TPD52: variants seen among roughly 807,000 people sequenced by gnomAD.
TPD52 encodes the protein tumor protein D52.
In TPD52, 17 loss-of-function variants were observed where a neutral mutation model predicts 31.3. The observed-to-expected ratio is 0.54, with a 90% confidence interval of 0.37 to 0.82. The LOEUF is 0.82. TPD52 is among the 40% of genes least tolerant of loss of function. The pLI, the probability that TPD52 is intolerant of heterozygous loss-of-function variation, is 0.00. For synonymous variants in TPD52, 83 were observed against 89.6 expected, an observed-to-expected ratio of 0.93 and a Z score of 0.42; for missense variants, 212 against 240.1, an observed-to-expected ratio of 0.88 and a Z score of 0.77.
At chr8:80,053,671 C>T (rs1202904066) in intron 2 of TPD52, among the ~76,000 whole-genome samples, 1 of 152,012 alleles carries the variant, frequency 6.6e-6, no homozygotes, top group East Asian at 1.9e-4. Context: ...TGTTTTTGGC[C>T]TTCTCCTCTC....
chr8:80,076,533 C>CA lies in TPD52; in HGVS notation c.20-11941dup, dbSNP rs1255772733. On this transcript the variant is annotated intron_variant, in intron 1 of 7. Transcript: ENST00000518937. ...TGGAGGGTGGGAGGAGGAAGAGGAGCAAAAAAAGGGAAAAAAAATCACTAC... is the reference window on the plus strand; with the variant it reads ...TGGAGGGTGGGAGGAGGAAGAGGAGCAAAAAAAAGGGAAAAAAAATCACTAC... Among the ~76,000 whole-genome samples the CA allele has an allele frequency of 8.0e-5, 12 of 150,462 alleles. No homozygotes were observed. In the South Asian group the frequency reaches 1.7e-3, roughly 21 times the overall value.
At chr8:80,148,467 A>G (rs1358701177) in intron 1 of TPD52, among the ~76,000 whole-genome samples, 1 of 152,088 alleles carries the variant, frequency 6.6e-6, no homozygotes, top group Non-Finnish European at 1.5e-5. Flanking sequence ...CTGGCCCTAA[A>G]TTGTTTTTAA....
intron 1 of TPD52, among the ~76,000 whole-genome samples, chr8:80,076,296 C>T (rs12114212): frequency 0.57 from 86,682 of 151,992 alleles, 25,041 homozygotes; most frequent in East Asian, 0.73. Flanking sequence ...AAATGTGGTA[C>T]ATATATGCCA....
chr8:80,156,772 G>A (rs1308028093), intron 1 of TPD52, among the ~76,000 whole-genome samples: 1 of 152,176 alleles, frequency 6.6e-6, no homozygotes, highest in Non-Finnish European at 1.5e-5. Context: ...TGCCAAGTAG[G>A]TTGAGAGGGA....
chr8:80,132,824 G>A (rs913080837), intron 1 of TPD52, among the ~76,000 whole-genome samples: 1 of 152,200 alleles, frequency 6.6e-6, no homozygotes, highest in East Asian at 1.9e-4. Context: ...AAGAAACATG[G>A]GTCTCCTGCC....
At chr8:80,156,223 T>G (rs1055134120) in intron 1 of TPD52, among the ~76,000 whole-genome samples, 2 of 152,184 alleles carry the variant, frequency 1.3e-5, no homozygotes, top group Admixed American at 1.3e-4. Context: ...TGAGGTTTCC[T>G]GGCACCTGTC....
At chr8:80,141,431 G>A (rs909284847) in intron 1 of TPD52, among the ~76,000 whole-genome samples, 2 of 152,194 alleles carry the variant, frequency 1.3e-5, no homozygotes, top group East Asian at 3.8e-4. Context: ...ACAGCCTTAT[G>A]GAGAGGTCCC....
At chr8:80,089,441 C>G (rs552782420) in intron 1 of TPD52, among the ~76,000 whole-genome samples, 1 of 152,234 alleles carries the variant, frequency 6.6e-6, no homozygotes, top group East Asian at 1.9e-4. Context: ...TAATAGAGCT[C>G]ACAAGACTTC....
Position 80,044,223 on chromosome 8 carries a change from T to TA in TPD52, c.414-16dup, listed in dbSNP as rs1810628996. Reference sequence around the variant, plus strand: ...TGGAACGTATACTAAGAGGCAGCATTAAAAAGAGATAGAAATAAGGTTAGT... The same window carrying TA: ...TGGAACGTATACTAAGAGGCAGCATTAAAAAAGAGATAGAAATAAGGTTAGT... On this transcript the variant is annotated splice_polypyrimidine_tract_variant and intron_variant, in intron 5 of 7. Coordinates refer to ENST00000518937, the MANE Select transcript of TPD52 (RefSeq NM_001025253.3). 1 of 1,567,994 alleles carries TA rather than the reference T, an allele frequency of 6.4e-7. No homozygotes were observed. Among genetic ancestry groups the TA allele is most frequent in the Admixed American group, 2.1e-5 (1 of 48,376 alleles).
At chr8:80,138,615 T>A (rs944056662) in intron 1 of TPD52, among the ~76,000 whole-genome samples, 2 of 152,110 alleles carry the variant, frequency 1.3e-5, no homozygotes, top group African/African-American at 4.8e-5. Context: ...TCCAAAAAGG[T>A]AGCTGAACAC....
intron 1 of TPD52, among the ~76,000 whole-genome samples, chr8:80,086,101 C>CTTTTTTTTTTTTTTTTGTT (rs762805549): frequency 8.9e-6 from 1 of 112,674 alleles, no homozygotes; most frequent in African/African-American, 3.3e-5. Context: ...GGTTTTTTTG[C>CTTTTTTTTTTTTTTTTGTT]TTTTTTTTTT....
chr8:80,042,710 GA>G (rs556251667), intron 6 of TPD52, 42 bp from the exon 7 acceptor site: 15 of 1,555,040 alleles, frequency 9.6e-6, no homozygotes, highest in African/African-American at 5.5e-5. Context: ...TACAAATACT[GA>G]AAAAAAATCC....
chr8:80,050,417 C>A (rs760011806), intron 5 of TPD52, 28 bp downstream of exon 5: 1 of 1,600,646 alleles, frequency 6.2e-7, no homozygotes, highest in Non-Finnish European at 8.5e-7. Flanking sequence ...AACTGCTGGA[C>A]TGCAGTGATG....
intron 1 of TPD52, among the ~76,000 whole-genome samples, chr8:80,108,216 CT>C (rs1295543596): frequency 6.6e-6 from 1 of 152,142 alleles, no homozygotes; most frequent in Admixed American, 6.6e-5. Flanking sequence ...GTGGCATTTC[CT>C]GAACTCTTTC....
intron 2 of TPD52, among the ~76,000 whole-genome samples, chr8:80,059,803 G>A (rs570996478): frequency 7.6e-4 from 115 of 152,138 alleles, no homozygotes; most frequent in Middle Eastern, 3.4e-3. Context: ...GCAGTGAGAC[G>A]AGATCGCACC....
chr8:80,046,673 T>C (rs973760687), intron 5 of TPD52, among the ~76,000 whole-genome samples: 5 of 152,152 alleles, frequency 3.3e-5, no homozygotes, highest in Non-Finnish European at 5.9e-5. Flanking sequence ...TGCATCTTAT[T>C]TGTAACCCCC....
chr8:80,135,538 T>G (rs893869658), intron 1 of TPD52, among the ~76,000 whole-genome samples: 2 of 152,142 alleles, frequency 1.3e-5, no homozygotes, highest in African/African-American at 4.8e-5. Flanking sequence ...ACAAGCACAC[T>G]GTAAACTAGT....
chr8:80,062,307 C>G (rs774354179), intron 2 of TPD52, among the ~76,000 whole-genome samples: 1 of 152,056 alleles, frequency 6.6e-6, no homozygotes, highest in African/African-American at 2.4e-5. Context: ...AAGGATGCCA[C>G]GAGCATTCAC....
chr8:80,056,781 G>T (rs1487834339), intron 2 of TPD52, among the ~76,000 whole-genome samples: 2 of 152,192 alleles, frequency 1.3e-5, no homozygotes, highest in African/African-American at 4.8e-5. Context: ...AAGTTGGGCA[G>T]CAAAGCAGTT....
Sources: gnomAD v4.1 joint callset for allele counts (sites outside exome capture counted in the v4.1 genomes callset) on GRCh38, gnomAD v4.1.1 for gene constraint, MANE v1.5 for transcripts, NCBI Gene and HGNC (gene_info 2026-07-23, HGNC 2026-07-21) for gene names.